The following CNTRL variants were observed in gnomAD, a reference collection of about 807,000 sequenced individuals.
CNTRL encodes 110 kDa centrosomal protein.
A neutral mutation model predicts 303.7 loss-of-function variants in CNTRL; 233 were observed. The observed-to-expected ratio is 0.77, with a 90% confidence interval of 0.69 to 0.86. CNTRL has a LOEUF of 0.86. Among genes scored for constraint, CNTRL ranks in the 40% least tolerant of loss-of-function variants. The pLI, the probability that CNTRL is intolerant of heterozygous loss-of-function variation, is 0.00. For synonymous variants in CNTRL, 900 were observed against 922.2 expected (o/e 0.98, Z 0.44); for missense variants, 2,524 against 2,650.6 (o/e 0.95, Z 1.05).
chr9:121,168,374 G>A, intron 38 of CNTRL, 53 bp downstream of exon 38: 1 of 1,521,754 alleles, frequency 6.6e-7, no homozygotes, highest in Non-Finnish European at 9.1e-7. Context: ...TGGCTCTGCT[G>A]GTTGTCTTGC....
chr9:121,173,220 T>A, intron 40 of CNTRL, 23 bp from the exon 41 acceptor site: 2 of 1,587,496 alleles, frequency 1.3e-6, no homozygotes, highest in South Asian at 2.3e-5. Flanking sequence ...TACAATGATA[T>A]TTGACACCAA....
Position 121,130,791 on chromosome 9 carries a change from A to G in CNTRL, c.2025+4855A>G, listed in dbSNP as rs550875200. On this transcript the variant is annotated intron_variant, in intron 14 of 43. Coordinates refer to ENST00000373855, the MANE Select transcript of CNTRL (RefSeq NM_007018.6). ...TTTAGTGCTATACATTTCCCTTTACACACTGCTTTAAATGTGTCCTAGAGA... is the reference window on the plus strand; with the variant it reads ...TTTAGTGCTATACATTTCCCTTTACGCACTGCTTTAAATGTGTCCTAGAGA... Among the ~76,000 whole-genome samples the G allele has an allele frequency of 5.9e-5, 9 of 152,218 alleles. No individual in the cohort carries two copies. In the South Asian group the frequency reaches 1.9e-3, roughly 32 times the overall value.
intron 12 of CNTRL, 61 bp downstream of exon 12, chr9:121,118,601 A>G: frequency 1.5e-6 from 2 of 1,340,350 alleles, no homozygotes; most frequent in Non-Finnish European, 2.0e-6. Flanking sequence ...CATCATTGTT[A>G]GCATCAGAGT....
intron 8 of CNTRL, chr9:121,110,937 A>T (rs1244367432): frequency 1.3e-5 from 2 of 152,140 alleles, no homozygotes; most frequent in Non-Finnish European, 2.9e-5. Flanking sequence ...TAAAAGTCAC[A>T]AAAGTACTTT....
chr9:121,142,304 A>T (rs1265493866), intron 19 of CNTRL, 34 bp downstream of exon 19: 1 of 1,563,152 alleles, frequency 6.4e-7, no homozygotes, highest in Admixed American at 2.0e-5. Flanking sequence ...ACACATAAGT[A>T]CCTGCTGCCA....
intron 8 of CNTRL, among the ~76,000 whole-genome samples, 171 bp downstream of exon 8, chr9:121,108,166 T>C (rs556120014): frequency 2.6e-4 from 39 of 152,290 alleles, no homozygotes; most frequent in African/African-American, 8.9e-4. Context: ...ATGATATGGC[T>C]TCCCAAAAGA....
intron 1 of CNTRL, among the ~76,000 whole-genome samples, chr9:121,077,125 G>C (rs1368620412): frequency 6.6e-6 from 1 of 152,082 alleles, no homozygotes. Context: ...AGGATGGGTA[G>C]TGTTTTGTTG....
intron 12 of CNTRL, 170 bp downstream of exon 12, chr9:121,118,710 G>C (rs915209085): frequency 4.3e-6 from 2 of 460,878 alleles, no homozygotes; most frequent in Non-Finnish European, 7.5e-6. Context: ...TGCATCTGTG[G>C]ATTTAACCAA....
intron 35 of CNTRL, 112 bp from the exon 36 acceptor site, chr9:121,165,995 A>G (rs749221820): frequency 2.7e-6 from 2 of 747,078 alleles, no homozygotes; most frequent in Non-Finnish European, 4.6e-6. Flanking sequence ...ATAGTCATAC[A>G]TGTAACAGGA....
chr9:121,084,698 C>A (rs961257317), intron 2 of CNTRL, among the ~76,000 whole-genome samples: 2 of 152,128 alleles, frequency 1.3e-5, no homozygotes, highest in African/African-American at 2.4e-5. Flanking sequence ...GCGCTTGCCA[C>A]CACGCCTGGC....
chr9:121,150,458 G>A lies in CNTRL; in HGVS notation c.3938G>A (p.Cys1313Tyr), dbSNP rs746243921. ...IPFIPMGVLHCNVPEHHNLEN... is the reference protein window; with the variant it reads ...IPFIPMGVLHYNVPEHHNLEN... Reference sequence around the variant, plus strand: ...TTCATCCCTATGGGTGTGCTGCATTGCAACGTCCCTGAACACCATAACTTA... The same window carrying A: ...TTCATCCCTATGGGTGTGCTGCATTACAACGTCCCTGAACACCATAACTTA... The change falls in exon 25 of 44, where the codon TGC (cysteine) becomes TAC (tyrosine). Residue 1313 changes from cysteine (C) to tyrosine (Y), a missense_variant. Cys to Tyr is a radical substitution (Grantham distance 194). Coordinates refer to ENST00000373855, the MANE Select transcript of CNTRL (RefSeq NM_007018.6). 6.2e-7 allele frequency: 1 copy of A among 1,614,050 alleles called. No individual in the cohort carries two copies. The highest frequency in any genetic ancestry group is 8.5e-7 in the Non-Finnish European group (1 of 1,180,018).
At position 121,118,508 on chromosome 9, in the gene CNTRL, A is replaced by G. The variant is rs1445179306; in HGVS notation, c.1618A>G (p.Ile540Val). Residue 540 changes from isoleucine to valine, a missense_variant, in exon 12 of 44, where the codon ATA becomes GTA. Ile to Val is a conservative substitution (Grantham distance 29). Transcript: ENST00000373855. ...QKEIKDLQIA[I>V]DSLDSKDPKH... ...GGAGATTAAGGACCTGCAAATAGCCATAGATAGCCTGGATTCCAAAGACCC... is the reference window on the plus strand; with the variant it reads ...GGAGATTAAGGACCTGCAAATAGCCGTAGATAGCCTGGATTCCAAAGACCC... The G allele has an allele frequency of 2.5e-6, 4 of 1,603,778 alleles. No homozygotes were observed. The highest frequency in any genetic ancestry group is 2.6e-6 in the Non-Finnish European group (3 of 1,174,928).
At chr9:121,164,323 C>T (rs2052997635) in intron 34 of CNTRL, among the ~76,000 whole-genome samples, 1 of 152,154 alleles carries the variant, frequency 6.6e-6, no homozygotes, top group Non-Finnish European at 1.5e-5. Flanking sequence ...GAAATGAAAG[C>T]ATATTTCTAC....
At chr9:121,121,086 G>T (rs1421667201) in intron 12 of CNTRL, among the ~76,000 whole-genome samples, 1 of 152,124 alleles carries the variant, frequency 6.6e-6, no homozygotes, top group Non-Finnish European at 1.5e-5. Flanking sequence ...ATAGATATAG[G>T]TAGACTTTTA....
chr9:121,123,515 C>G (rs936477648), intron 12 of CNTRL, among the ~76,000 whole-genome samples: 1 of 152,310 alleles, frequency 6.6e-6, no homozygotes, highest in Non-Finnish European at 1.5e-5. Flanking sequence ...AGGAGAATTG[C>G]TTGAACCCAG....
At chr9:121,101,762 A>G (rs1028495855) in intron 7 of CNTRL, among the ~76,000 whole-genome samples, 6 of 152,254 alleles carry the variant, frequency 3.9e-5, no homozygotes, top group African/African-American at 1.4e-4. Flanking sequence ...ATCAGACAAT[A>G]CTGTAAACAC....
intron 1 of CNTRL, among the ~76,000 whole-genome samples, chr9:121,079,795 T>TC (rs1329686767): frequency 2.6e-5 from 4 of 152,214 alleles, no homozygotes; most frequent in Non-Finnish European, 2.9e-5. Flanking sequence ...CTACTCACCT[T>TC]GAGAGACCGG....
At chr9:121,121,251 G>A (rs2050210708) in intron 12 of CNTRL, among the ~76,000 whole-genome samples, 1 of 152,192 alleles carries the variant, frequency 6.6e-6, no homozygotes, top group Admixed American at 6.5e-5. Context: ...ATGTTCTGGT[G>A]AGGAACTTTT....
chr9:121,171,635 C>A, intron 40 of CNTRL, 87 bp downstream of exon 40: 1 of 1,361,188 alleles, frequency 7.3e-7, no homozygotes, highest in Non-Finnish European at 9.8e-7. Flanking sequence ...AATATCCCTT[C>A]TATAGTAGTA....
Sources: allele counts gnomAD v4.1 joint callset (sites outside exome capture counted in the v4.1 genomes callset), GRCh38; gene constraint gnomAD v4.1.1; transcripts MANE v1.5; gene names NCBI Gene and HGNC (gene_info 2026-07-23, HGNC 2026-07-21).